Variants in DNAH14 observed in about 807,000 individuals in gnomAD.
DNAH14 encodes the protein axonemal beta dynein heavy chain 14.
DNAH14 carries 478 observed loss-of-function variants against 520.9 expected under a neutral mutation model. The observed-to-expected ratio is 0.92, with a 90% CI of 0.85 to 0.99. DNAH14 has a LOEUF of 0.99. Among genes scored for constraint, DNAH14 ranks in the 50% least tolerant of loss-of-function variants. The pLI is 0.00. For synonymous variants in DNAH14, 1,581 were observed against 1,757.2 expected (o/e 0.90, Z 2.51); for missense variants, 4,831 against 5,234.5 (o/e 0.92, Z 2.38).
intron 49 of DNAH14, among the ~76,000 whole-genome samples, chr1:225,270,368 T>C (rs561334941): frequency 6.6e-6 from 1 of 151,774 alleles, no homozygotes; most frequent in African/African-American, 2.4e-5. Flanking sequence ...ATATACCTAA[T>C]GTAAATGACG....
At position 225,327,001 on chromosome 1, in the gene DNAH14, C is replaced by G. The variant is rs185950513; in HGVS notation, c.9723+2169C>G. On this transcript the variant is annotated intron_variant, in intron 64 of 85. Coordinates refer to ENST00000682510, the MANE Select transcript of DNAH14 (RefSeq NM_001367479.1). ...CAGACATATTCAGAATACTCCACCC[C>G]GCAACAACACAATACACATTCTTCT... Among the ~76,000 whole-genome samples the G allele has an allele frequency of 5.9e-4, 90 of 152,254 alleles. No homozygotes were observed. The East Asian group carries it at 8.5e-3, about 14-fold the overall frequency.
intron 60 of DNAH14, among the ~76,000 whole-genome samples, chr1:225,318,179 C>T (rs775308989): frequency 4.6e-5 from 7 of 152,174 alleles, no homozygotes; most frequent in African/African-American, 7.2e-5. Flanking sequence ...ACCCTGCAAA[C>T]ATAATGGCAG....
intron 28 of DNAH14, among the ~76,000 whole-genome samples, chr1:225,142,054 GAT>G (rs1290084901): frequency 6.6e-6 from 1 of 152,030 alleles, no homozygotes; most frequent in Admixed American, 6.6e-5. Context: ...CTTTATATCT[GAT>G]ATATACTCAC....
chr1:225,358,345 C>A, intron 73 of DNAH14, 151 bp from the exon 74 acceptor site: 1 of 665,356 alleles, frequency 1.5e-6, no homozygotes, highest in Non-Finnish European at 2.4e-6. Flanking sequence ...CTCCTCCATG[C>A]ATAGTCTGTC....
At chr1:225,347,713 T>A (rs539833192) in intron 71 of DNAH14, among the ~76,000 whole-genome samples, 3 of 152,160 alleles carry the variant, frequency 2.0e-5, no homozygotes, top group South Asian at 4.2e-4. Flanking sequence ...GGCTGATTGG[T>A]GAGGGTTTTC....
intron 71 of DNAH14, among the ~76,000 whole-genome samples, chr1:225,348,248 A>G (rs1357605782): frequency 6.6e-6 from 1 of 152,066 alleles, no homozygotes; most frequent in Non-Finnish European, 1.5e-5. Context: ...TAAGTTGACC[A>G]ATATATGCAA....
rs539057559 is a variant in DNAH14, at chr1:224,956,685, A to G, written c.217+1587A>G. On this transcript the variant is annotated intron_variant, in intron 3 of 85. Transcript: ENST00000682510. The stretch of plus-strand genomic sequence containing the variant: ...ACCTATTAAATCCATACCACAAACA[A>G]TATTTAGGTACACCTTTAGTTGTCT... Among the ~76,000 whole-genome samples the G allele has an allele frequency of 1.3e-3, 196 of 152,262 alleles. 1 individual carries two copies. The highest frequency in any genetic ancestry group is 3.4e-3 in the Middle Eastern group (1 of 294).
chr1:225,139,710 C>T (rs1399289562), intron 27 of DNAH14, among the ~76,000 whole-genome samples: 1 of 152,218 alleles, frequency 6.6e-6, no homozygotes, highest in Non-Finnish European at 1.5e-5. Context: ...CTTTACCCTA[C>T]ACTGATGCAG....
intron 71 of DNAH14, 66 bp downstream of exon 71, chr1:225,346,720 G>A (rs2095291663): frequency 4.7e-6 from 6 of 1,280,572 alleles, no homozygotes; most frequent in Non-Finnish European, 6.4e-6. Flanking sequence ...TTCCTCTAAG[G>A]TGCTCCAAGT....
intron 42 of DNAH14, among the ~76,000 whole-genome samples, chr1:225,235,391 C>T (rs1323787460): frequency 6.6e-6 from 1 of 152,114 alleles, no homozygotes; most frequent in African/African-American, 2.4e-5. Context: ...GGGATGAAGC[C>T]AGCTTGATTA....
chr1:225,230,990 T>A, intron 41 of DNAH14, 83 bp from the exon 42 acceptor site: 3 of 850,564 alleles, frequency 3.5e-6, no homozygotes, highest in African/African-American at 1.7e-5. Flanking sequence ...AACTAAACAA[T>A]GTTAAAGGTT....
In DNAH14 at chr1:225,219,358, A is replaced by G. The variant is rs1574080785; in HGVS notation, c.6440-11715A>G. Among the ~76,000 whole-genome samples the G allele has an allele frequency of 2.0e-5, 3 of 152,080 alleles. No individual in the cohort carries two copies. In the East Asian group the frequency reaches 5.8e-4, roughly 29 times the overall value. Reference sequence around the variant, plus strand: ...AAATAGAGACAGGAGAAACCCTTCAAAAAAATCAGTGAATCCAGGAGCTGG... The same window carrying G: ...AAATAGAGACAGGAGAAACCCTTCAGAAAAATCAGTGAATCCAGGAGCTGG... On this transcript the variant is annotated intron_variant, in intron 41 of 85. Transcript: ENST00000682510.
In DNAH14 at chr1:225,258,060, A is replaced by AT; in HGVS notation, c.6967dup (p.Cys2323LeufsTer31). 1.3e-6 allele frequency: 2 copies of AT among 1,549,570 alleles called. No individual in the cohort carries two copies. Among genetic ancestry groups the AT allele is most frequent in the Non-Finnish European group, 1.7e-6 (2 of 1,146,254 alleles). ...ATTATACCGCTACCAGAGACACAAC[A>AT]TGCCTTTCTTTTCTCATGAGCCTTC... On this transcript the variant is annotated frameshift_variant, in exon 45 of 86. Coordinates refer to ENST00000682510, the MANE Select transcript of DNAH14 (RefSeq NM_001367479.1). LOFTEE classifies it high-confidence loss of function.
intron 5 of DNAH14, among the ~76,000 whole-genome samples, chr1:224,965,764 AAT>A (rs1283989734): frequency 6.6e-6 from 1 of 152,112 alleles, no homozygotes; most frequent in African/African-American, 2.4e-5. Context: ...TGGAGATAAT[AAT>A]AGTTACTGTG....
chr1:225,385,575 T>A (rs992184547), intron 81 of DNAH14, among the ~76,000 whole-genome samples: 5 of 152,146 alleles, frequency 3.3e-5, no homozygotes, highest in African/African-American at 1.2e-4. Flanking sequence ...AGCATTCCTA[T>A]ACACCAATAA....
chr1:225,198,125 A>C (rs1007385620), intron 38 of DNAH14, among the ~76,000 whole-genome samples: 1 of 152,050 alleles, frequency 6.6e-6, no homozygotes, highest in Non-Finnish European at 1.5e-5. Context: ...AGTTCTCAGA[A>C]GGAATGTTTT....
chr1:225,261,145 A>C (rs1254908351), intron 46 of DNAH14, among the ~76,000 whole-genome samples: 1 of 152,088 alleles, frequency 6.6e-6, no homozygotes, highest in South Asian at 2.1e-4. Context: ...TTCCTTGCCT[A>C]ATTGCTCTGG....
intron 36 of DNAH14, among the ~76,000 whole-genome samples, chr1:225,178,649 C>T (rs1032389038): frequency 1.3e-5 from 2 of 152,190 alleles, no homozygotes; most frequent in African/African-American, 4.8e-5. Context: ...GCAGATGAGA[C>T]TTGCCTCTTC....
chr1:224,968,518 C>T (rs2061327546), intron 6 of DNAH14, among the ~76,000 whole-genome samples: 1 of 152,086 alleles, frequency 6.6e-6, no homozygotes, highest in African/African-American at 2.4e-5. Flanking sequence ...GGAAGTTTCT[C>T]TTCTCTCTGT....
Sources: gnomAD v4.1 joint callset for allele counts (sites outside exome capture counted in the v4.1 genomes callset) on GRCh38, gnomAD v4.1.1 for gene constraint, MANE v1.5 for transcripts, NCBI Gene and HGNC (gene_info 2026-07-23, HGNC 2026-07-21) for gene names.